Variants in PER3 observed in about 807,000 individuals in gnomAD.
PER3 encodes period circadian regulator 3.
In PER3, 107 loss-of-function variants were observed where a neutral mutation model predicts 127.2. The ratio of observed to expected loss-of-function variants is 0.84; its 90% CI spans 0.72 to 0.99. The LOEUF (loss-of-function observed/expected upper bound fraction) is 0.99. PER3 is among the 50% of genes least tolerant of loss of function. PER3 has a pLI of 0.00. For missense variants in PER3, 1,560 were observed against 1,525.8 expected, an observed-to-expected ratio of 1.02 and a Z score of -0.37; for synonymous variants, 618 against 585.8, an observed-to-expected ratio of 1.05 and a Z score of -0.79.
intron 10 of PER3, among the ~76,000 whole-genome samples, chr1:7,806,244 G>A (rs2097192090): frequency 6.6e-6 from 1 of 152,138 alleles, no homozygotes; most frequent in African/African-American, 2.4e-5. Flanking sequence ...CAGCAGCACT[G>A]CAGGCAAGCA....
chr1:7,785,279 C>T (rs960624465), intron 2 of PER3, among the ~76,000 whole-genome samples, 162 bp from the exon 3 acceptor site: 2 of 152,150 alleles, frequency 1.3e-5, no homozygotes, highest in East Asian at 1.9e-4. Flanking sequence ...TCACCAGTTG[C>T]TTTGCCTCGA....
chr1:7,816,273 AT>A (rs770686386), intron 13 of PER3, among the ~76,000 whole-genome samples: 25 of 150,714 alleles, frequency 1.7e-4, no homozygotes, highest in Non-Finnish European at 2.8e-4. Flanking sequence ...GGGTAATAAA[AT>A]TAATAAGTCT....
chr1:7,795,657 G>A (rs529259832), intron 6 of PER3, among the ~76,000 whole-genome samples: 30 of 152,356 alleles, frequency 2.0e-4, no homozygotes, highest in Non-Finnish European at 2.1e-4. Flanking sequence ...AGGAAGGAAC[G>A]AGGATGGAAG....
chr1:7,814,281 A>T (rs1213247770), intron 13 of PER3, among the ~76,000 whole-genome samples: 1 of 152,212 alleles, frequency 6.6e-6, no homozygotes, highest in African/African-American at 2.4e-5. Flanking sequence ...CAGAACAAAA[A>T]CAAAACAAAA....
At chr1:7,824,038 C>T (rs1303066422) in intron 16 of PER3, among the ~76,000 whole-genome samples, 1 of 152,000 alleles carries the variant, frequency 6.6e-6, no homozygotes, top group Non-Finnish European at 1.5e-5. Context: ...ATCTATGATT[C>T]AAAAAAGAAA....
At chr1:7,786,197 G>A (rs550336186) in intron 3 of PER3, among the ~76,000 whole-genome samples, 1 of 152,330 alleles carries the variant, frequency 6.6e-6, no homozygotes, top group East Asian at 1.9e-4. Flanking sequence ...GGAGCTTGCA[G>A]TGAGCCGAGA....
chr1:7,785,533 C>T lies in PER3; in HGVS notation c.221C>T (p.Pro74Leu), dbSNP rs181709949. ...TTCCCCTCGGAGAGACGCAATAAAC[C>T]AAGCACTCTAGATGCCCTCAACTAT... is the stretch of plus-strand genomic sequence containing the variant. ...KYFPSERRNK[P>L]STLDALNYAL... The change falls in exon 3 of 22, where the codon CCA becomes CTA. Residue 74 changes from proline to leucine, a missense_variant. Transcript: ENST00000377532. 5.1e-5 allele frequency: 83 copies of T among 1,612,860 alleles called. 2 individuals carry two copies. In the East Asian group the frequency reaches 1.8e-3, roughly 35 times the overall value.
chr1:7,826,581 C>CT lies in PER3; in HGVS notation c.2060dup (p.Ser688ValfsTer13). The CT allele has an allele frequency of 6.2e-7, 1 of 1,613,402 alleles. No individual in the cohort carries two copies. Among genetic ancestry groups the CT allele is most frequent in the South Asian group, 1.1e-5 (1 of 91,066 alleles). On this transcript the variant is annotated frameshift_variant, in exon 17 of 22. Transcript: ENST00000377532. LOFTEE classifies it high-confidence loss of function. The surrounding 1 kb of genome is among the most constrained non-coding windows in gnomAD (Gnocchi z 4.2). ...ACACGTGGGGCTCACAGCGGCTGTT[C>CT]TGTCAGCGCACACCCAGAAGGAAGA...
chr1:7,824,570 C>T (rs914628834), intron 16 of PER3, among the ~76,000 whole-genome samples: 1 of 151,968 alleles, frequency 6.6e-6, no homozygotes, highest in Non-Finnish European at 1.5e-5. Context: ...CCTGGTGATT[C>T]TTTCTAATTG....
chr1:7,810,684 CTG>C, intron 13 of PER3, 96 bp downstream of exon 13: 1 of 1,157,010 alleles, frequency 8.6e-7, no homozygotes, highest in South Asian at 1.9e-5. Context: ...AGTCATGACC[CTG>C]TGTTGCTGCT....
At chr1:7,837,820 TC>T (rs2097365443) in intron 21 of PER3, among the ~76,000 whole-genome samples, 1 of 152,208 alleles carries the variant, frequency 6.6e-6, no homozygotes, top group South Asian at 2.1e-4. Context: ...ACGTCTGTAA[TC>T]CCAGCACTTT....
At chr1:7,802,289 G>A (rs2097173910) in intron 8 of PER3, among the ~76,000 whole-genome samples, 1 of 152,022 alleles carries the variant, frequency 6.6e-6, no homozygotes, top group African/African-American at 2.4e-5. Flanking sequence ...TTGAGATGGA[G>A]TCTCACACTG....
Position 7,801,158 on chromosome 1 carries a change from C to T in PER3, c.839C>T (p.Thr280Ile). The T allele has an allele frequency of 1.9e-6, 3 of 1,604,740 alleles. No individual in the cohort carries two copies. The South Asian group carries it at 3.4e-5, about 18-fold the overall frequency. ...VNKRIFTTTH[T>I]PGCVFLEVDE... is the part of the protein sequence containing the mutation. ...AAAAGAATCTTCACCACCACACACA[C>T]CCCAGGGTGTGTTTTTCTTGAAGTA... The change falls in exon 8 of 22, where the codon ACC becomes ATC. Residue 280 changes from threonine (T) to isoleucine (I), a missense_variant. This residue lies in a region of PER3 where 1,332 missense variants were observed against 1,223.6 expected (regional missense o/e 1.09). Coordinates refer to ENST00000377532, the MANE Select transcript of PER3 (RefSeq NM_001377275.1).
rs1558365929 is a variant in PER3 at position 7,784,384 on chromosome 1, C to CGGCCGGGCGGGAGTTCTGG, written c.-225+9_-225+10insGCCGGGCGGGAGTTCTGGG. The CGGCCGGGCGGGAGTTCTGG allele has an allele frequency of 7.3e-5, 11 of 150,072 alleles. 1 individual carries two copies. The highest frequency in any genetic ancestry group is 2.0e-4 in the East Asian group (1 of 5,104). The allele number at this position is 150,072 out of a possible 1,614,324, so 9.3% of individuals were successfully genotyped here. On this transcript the variant is annotated intron_variant, in intron 1 of 21. Transcript: ENST00000377532. The stretch of plus-strand genomic sequence containing the variant: ...CAAGGGCGGGGGCAGCAGGTGAGTG[C>CGGCCGGGCGGGAGTTCTGG]GCGGCCGGGCGGGAGTTCTGGGCGG...
In PER3 at chr1:7,810,029, G is replaced by A; in HGVS notation, c.1371+8G>A. On this transcript the variant is annotated splice_region_variant and intron_variant, in intron 12 of 21. Coordinates refer to ENST00000377532, the MANE Select transcript of PER3 (RefSeq NM_001377275.1). ...GAGACGAAGGCGGAGCAGGTGCATG[G>A]GCTTATGTCACATTCTTATACAGGC... The A allele has an allele frequency of 1.2e-6, 2 of 1,610,878 alleles. No homozygotes were observed. Among genetic ancestry groups the A allele is most frequent in the Non-Finnish European group, 1.7e-6 (2 of 1,178,008 alleles).
chr1:7,795,500 A>G (rs1037247654), intron 6 of PER3, among the ~76,000 whole-genome samples: 2 of 152,182 alleles, frequency 1.3e-5, no homozygotes, highest in Non-Finnish European at 2.9e-5. Flanking sequence ...GAAGGAGGGC[A>G]GGGGGTGAGC....
intron 5 of PER3, chr1:7,788,641 C>T (rs1424294318): frequency 2.1e-5 from 4 of 192,854 alleles, no homozygotes; most frequent in Admixed American, 5.4e-5. Flanking sequence ...AGGTGGCTCA[C>T]GCCTGTAATC....
Position 7,827,822 on chromosome 1 carries a change from G to C in PER3, c.2886+7G>C. ...GTGCCCACAAACTGAGTATGTAAGT[G>C]ATGCTCATTTTCAACACTCAAGTGA... On this transcript the variant is annotated splice_region_variant and intron_variant, in intron 18 of 21. Transcript: ENST00000377532. The C allele has an allele frequency of 6.3e-7, 1 of 1,585,642 alleles. No individual in the cohort carries two copies. The highest frequency in any genetic ancestry group is 1.1e-5 in the South Asian group (1 of 89,336).
At chr1:7,801,372 T>A (rs966032824) in intron 8 of PER3, among the ~76,000 whole-genome samples, 181 bp downstream of exon 8, 14 of 152,256 alleles carry the variant, frequency 9.2e-5, no homozygotes, top group Non-Finnish European at 1.6e-4. Flanking sequence ...ATTTTGCATA[T>A]TATAAAGTGA....
Sources: allele counts gnomAD v4.1 joint callset (sites outside exome capture counted in the v4.1 genomes callset), GRCh38; gene constraint gnomAD v4.1.1; regional missense constraint gnomAD v4.1.1; non-coding constraint Gnocchi (gnomAD v3.1); transcripts MANE v1.5; gene names NCBI Gene and HGNC (gene_info 2026-07-23, HGNC 2026-07-21).